SPG11: variants seen among roughly 807,000 people sequenced by gnomAD.
SPG11 encodes spatacsin.
In SPG11, 222 loss-of-function variants were observed where a neutral mutation model predicts 274.0. That is an observed-to-expected ratio of 0.81 (90% CI 0.73 to 0.91). The LOEUF is 0.91. Among genes scored for constraint, SPG11 ranks in the 40% least tolerant of loss-of-function variants. The pLI is 0.00. For synonymous variants in SPG11, 1,144 were observed against 1,039.7 expected (o/e 1.10, Z -1.93); for missense variants, 3,114 against 2,872.7 (o/e 1.08, Z -1.92).
chr15:44,566,593 A>G (rs2082313610), intron 36 of SPG11, among the ~76,000 whole-genome samples: 1 of 152,170 alleles, frequency 6.6e-6, no homozygotes, highest in Non-Finnish European at 1.5e-5. Context: ...GATACCCTGG[A>G]TATATAGGCT....
intron 35 of SPG11, among the ~76,000 whole-genome samples, chr15:44,568,024 A>T (rs2082344793): frequency 6.6e-6 from 1 of 152,236 alleles, no homozygotes; most frequent in Non-Finnish European, 1.5e-5. Flanking sequence ...TTGATTTGGG[A>T]AATAGTCATG....
At chr15:44,658,213 TACAA>T (rs1278739947) in intron 3 of SPG11, among the ~76,000 whole-genome samples, 2 of 152,198 alleles carry the variant, frequency 1.3e-5, no homozygotes, top group Admixed American at 6.5e-5. Flanking sequence ...ATATACCTAT[TACAA>T]AATATAAAAA....
At chr15:44,612,382 A>G (rs2083483882) in intron 17 of SPG11, among the ~76,000 whole-genome samples, 2 of 152,190 alleles carry the variant, frequency 1.3e-5, no homozygotes, top group Admixed American at 1.3e-4. Flanking sequence ...TACCTAGGCT[A>G]TCTACCTATG....
chr15:44,663,239 C>G, intron 1 of SPG11, 152 bp downstream of exon 1: 1 of 1,054,782 alleles, frequency 9.5e-7, no homozygotes, highest in Non-Finnish European at 1.4e-6. Context: ...GTGAGGAAAC[C>G]ACGCTCGCCT....
chr15:44,596,697 TGTCA>T, intron 24 of SPG11, 83 bp downstream of exon 24: 1 of 757,790 alleles, frequency 1.3e-6, no homozygotes, highest in East Asian at 3.6e-5. Flanking sequence ...AAAAGGCCTA[TGTCA>T]TGTCTACACA....
At chr15:44,624,062 A>C (rs575034478) in intron 11 of SPG11, among the ~76,000 whole-genome samples, 1 of 152,326 alleles carries the variant, frequency 6.6e-6, no homozygotes, top group African/African-American at 2.4e-5. Context: ...CACTCGGCTC[A>C]GAGAGTACTT....
chr15:44,586,516 C>T (rs544470097), intron 28 of SPG11, among the ~76,000 whole-genome samples: 2 of 152,092 alleles, frequency 1.3e-5, no homozygotes, highest in Admixed American at 6.5e-5. Context: ...TGGTGGCACA[C>T]GCCTGTAATC....
intron 6 of SPG11, 95 bp from the exon 7 acceptor site, chr15:44,649,106 T>C (rs755223636): frequency 2.1e-5 from 19 of 887,408 alleles, no homozygotes; most frequent in Non-Finnish European, 3.4e-5. Flanking sequence ...ACTTCAGTAC[T>C]ATAATTACAA....
chr15:44,622,783 C>A lies in SPG11; in HGVS notation c.2261G>T (p.Gly754Val). The change falls in exon 12 of 40, where the codon GGC becomes GTC. Residue 754 changes from glycine (G) to valine (V), a missense_variant. Gly to Val is a moderately radical substitution (Grantham distance 109). Coordinates refer to ENST00000261866, the MANE Select transcript of SPG11 (RefSeq NM_025137.4). ...LLKNMGFDVK[G>V]QLLKICFYTT... The stretch of plus-strand genomic sequence containing the variant: ...ATAGAAGCAGATCTTGAGCAATTGG[C>A]CTTTTACATCAAACCCCTAAAATAA... The A allele has an allele frequency of 6.2e-7, 1 of 1,613,572 alleles. No homozygotes were observed. Among genetic ancestry groups the A allele is most frequent in the Non-Finnish European group, 8.5e-7 (1 of 1,179,696 alleles).
Position 44,615,361 on chromosome 15 carries a change from ACTTGT to A in SPG11, c.3035_3038+1del. 6.2e-7 allele frequency: 1 copy of A among 1,613,330 alleles called. No homozygotes were observed. Among genetic ancestry groups the A allele is most frequent in the Non-Finnish European group, 8.5e-7 (1 of 1,179,840 alleles). ...AAGGACAAATGCATTCTCAGTACTC[ACTTGT>A]AACAGTCAAGGTAGACATAAAGAAG... On this transcript the variant is annotated splice_donor_variant and coding_sequence_variant, in exon 16 of 40. Coordinates refer to ENST00000261866, the MANE Select transcript of SPG11 (RefSeq NM_025137.4). LOFTEE classifies it high-confidence loss of function.
At chr15:44,612,125 T>C (rs1309275813) in intron 17 of SPG11, among the ~76,000 whole-genome samples, 2 of 152,124 alleles carry the variant, frequency 1.3e-5, no homozygotes, top group Non-Finnish European at 2.9e-5. Context: ...GGTCATTGTC[T>C]TTAAGAATGT....
rs1163721403 is a variant in SPG11 at position 44,658,968 on chromosome 15, C to T, written c.667+111G>A. Reference sequence around the variant, plus strand: ...TTCCATGAAAAGTTTTACTGAAAAACTAACCACACTTCCTATATCCCAGCT... The same window carrying T: ...TTCCATGAAAAGTTTTACTGAAAAATTAACCACACTTCCTATATCCCAGCT... On this transcript the variant is annotated intron_variant, in intron 3 of 39. Transcript: ENST00000261866. 23 of 967,534 alleles carry T rather than the reference C, an allele frequency of 2.4e-5. No individual in the cohort carries two copies. In the East Asian group the frequency reaches 5.3e-4, roughly 22 times the overall value. The allele number at this position is 967,534 out of a possible 1,614,324, so 59.9% of individuals were successfully genotyped here. A position where few individuals can be genotyped will look rare whatever the true frequency, so the allele number is the denominator to read the frequency against.
chr15:44,614,264 T>C (rs1379696014), intron 16 of SPG11, among the ~76,000 whole-genome samples: 1 of 152,124 alleles, frequency 6.6e-6, no homozygotes, highest in Non-Finnish European at 1.5e-5. Flanking sequence ...CTCACTGTAT[T>C]GCCCAGGCTG....
rs79943555 is a variant in SPG11, at chr15:44,597,730, G to A, written c.4001+535C>T. Among the ~76,000 whole-genome samples, 28 of 152,358 alleles carry A rather than the reference G, an allele frequency of 1.8e-4. No homozygotes were observed. The East Asian group carries it at 5.0e-3, about 27-fold the overall frequency. ...TACAGAAAAAGGGTGCGTTCTCAGG[G>A]TCTGGAGTGGTTAGGTCAGCCCCAG... On this transcript the variant is annotated intron_variant, in intron 23 of 39. Coordinates refer to ENST00000261866, the MANE Select transcript of SPG11 (RefSeq NM_025137.4).
chr15:44,663,335 C>A (rs2085174092), intron 1 of SPG11, 56 bp downstream of exon 1: 1 of 1,571,340 alleles, frequency 6.4e-7, no homozygotes, highest in Non-Finnish European at 8.6e-7. Context: ...GGGGCTCAGT[C>A]AGCCGAGCCT....
At chr15:44,622,676 T>C in intron 12 of SPG11, 52 bp downstream of exon 12, 1 of 1,442,806 alleles carries the variant, frequency 6.9e-7, no homozygotes, top group Non-Finnish European at 9.7e-7. Context: ...TTCCAAGTTT[T>C]TCACCCAGGC....
At chr15:44,574,512 C>T (rs1239488264) in intron 31 of SPG11, among the ~76,000 whole-genome samples, 6 of 152,160 alleles carry the variant, frequency 3.9e-5, no homozygotes, top group East Asian at 1.9e-4. Flanking sequence ...AAGGTACAGA[C>T]GATTTCTGCT....
intron 7 of SPG11, among the ~76,000 whole-genome samples, chr15:44,636,925 C>CAAAAAAAACAAAACA (rs2084275377): frequency 5.1e-5 from 1 of 19,454 alleles, no homozygotes; most frequent in South Asian, 3.0e-3. Context: ...GACTCCATCT[C>CAAAAAAAACAAAACA]AAAAAAAAAA....
chr15:44,624,817 A>C (rs1393721666), intron 11 of SPG11, among the ~76,000 whole-genome samples: 1 of 152,134 alleles, frequency 6.6e-6, no homozygotes, highest in African/African-American at 2.4e-5. Context: ...ATACCTAAAT[A>C]AAATTAGGGG....
Sources: gnomAD v4.1 joint callset for allele counts (sites outside exome capture counted in the v4.1 genomes callset) on GRCh38, gnomAD v4.1.1 for gene constraint, MANE v1.5 for transcripts, NCBI Gene and HGNC (gene_info 2026-07-23, HGNC 2026-07-21) for gene names.